The following PRKCE variants were observed in gnomAD, a reference collection of about 807,000 sequenced individuals.
PRKCE encodes the protein protein kinase C epsilon type.
Under a neutral mutation model 85.4 loss-of-function variants are expected in PRKCE, and 16 were observed. The observed-to-expected ratio is 0.19, with a 90% CI of 0.13 to 0.28. PRKCE has a LOEUF of 0.28. PRKCE is among the 10% of genes least tolerant of loss of function. The probability of loss-of-function intolerance (pLI) is 1.00; values close to 1 mark genes in which losing one functional copy is unlikely to be tolerated. For synonymous variants in PRKCE, 388 were observed against 371.5 expected, an observed-to-expected ratio of 1.04 and a Z score of -0.51; for missense variants, 573 against 975.2, an observed-to-expected ratio of 0.59 and a Z score of 5.49.
At chr2:45,777,345 T>TG (rs1050049643) in intron 1 of PRKCE, among the ~76,000 whole-genome samples, 5 of 152,036 alleles carry the variant, frequency 3.3e-5, no homozygotes, top group Non-Finnish European at 7.4e-5. Context: ...CTTGATCTCC[T>TG]GGGGAAATGT....
chr2:45,885,072 C>T (rs1056944129), intron 2 of PRKCE, among the ~76,000 whole-genome samples: 2 of 144,330 alleles, frequency 1.4e-5, no homozygotes, highest in African/African-American at 2.6e-5. Flanking sequence ...ATTTTGATTA[C>T]TAGAAACAAT....
chr2:45,779,437 G>A (rs1055899983), intron 1 of PRKCE, among the ~76,000 whole-genome samples: 2 of 152,090 alleles, frequency 1.3e-5, no homozygotes, highest in Admixed American at 6.5e-5. Flanking sequence ...GCTGATCTTG[G>A]GCTGTGCCAG....
intron 6 of PRKCE, among the ~76,000 whole-genome samples, chr2:45,995,849 G>C (rs1704169971): frequency 6.6e-6 from 1 of 151,986 alleles, no homozygotes; most frequent in Non-Finnish European, 1.5e-5. Context: ...CTTTTGCCTG[G>C]GTCTTTTGCC....
chr2:45,686,906 G>C (rs1284251986), intron 1 of PRKCE, among the ~76,000 whole-genome samples: 2 of 152,118 alleles, frequency 1.3e-5, no homozygotes, highest in East Asian at 1.9e-4. Context: ...GGGACAACTG[G>C]GTGGCCTTCT....
intron 1 of PRKCE, among the ~76,000 whole-genome samples, chr2:45,824,767 C>T (rs957267946): frequency 2.6e-5 from 4 of 152,190 alleles, no homozygotes; most frequent in African/African-American, 9.7e-5. Flanking sequence ...ATCGCCACCC[C>T]TCCCTTTATG....
At chr2:45,806,727 T>C (rs1164900406) in intron 1 of PRKCE, among the ~76,000 whole-genome samples, 1 of 152,158 alleles carries the variant, frequency 6.6e-6, no homozygotes, top group Admixed American at 6.5e-5. Flanking sequence ...CGCTGGATTC[T>C]TTACCCTTAA....
At chr2:45,804,418 G>T (rs753704366) in intron 1 of PRKCE, among the ~76,000 whole-genome samples, 2 of 152,164 alleles carry the variant, frequency 1.3e-5, no homozygotes, top group Non-Finnish European at 2.9e-5. Context: ...CGAGGTGGCC[G>T]CAGGTTATTC....
chr2:45,757,246 G>A (rs960049073), intron 1 of PRKCE, among the ~76,000 whole-genome samples: 6 of 144,030 alleles, frequency 4.2e-5, no homozygotes, highest in Admixed American at 2.8e-4. Context: ...AGGCGGAGTT[G>A]CAGTGTGTTG....
intron 1 of PRKCE, among the ~76,000 whole-genome samples, chr2:45,790,825 T>G (rs554889662): frequency 6.6e-6 from 1 of 152,360 alleles, no homozygotes; most frequent in Non-Finnish European, 1.5e-5. Flanking sequence ...AGGCTGTTGA[T>G]TCTCTAACAA....
intron 2 of PRKCE, among the ~76,000 whole-genome samples, chr2:45,864,607 C>T (rs1693434812): frequency 6.6e-6 from 1 of 152,142 alleles, no homozygotes; most frequent in African/African-American, 2.4e-5. Context: ...TTGGTTTGTG[C>T]TCTTCTGAAG....
intron 1 of PRKCE, among the ~76,000 whole-genome samples, chr2:45,671,103 G>A (rs1572896834): frequency 6.6e-6 from 1 of 152,232 alleles, no homozygotes; most frequent in South Asian, 2.1e-4. Flanking sequence ...GATCAGGAAT[G>A]CAGCATCTTT....
chr2:46,064,855 G>A (rs545206565), intron 10 of PRKCE, among the ~76,000 whole-genome samples: 4 of 152,284 alleles, frequency 2.6e-5, no homozygotes, highest in East Asian at 1.9e-4. Context: ...GGAATGTATC[G>A]TCCTTTCATG....
intron 2 of PRKCE, among the ~76,000 whole-genome samples, chr2:45,952,052 T>C (rs1700658011): frequency 6.6e-6 from 1 of 152,182 alleles, no homozygotes; most frequent in South Asian, 2.1e-4. Flanking sequence ...AGGCTGGTCT[T>C]CAACTCCTGG....
At chr2:46,081,319 C>CT (rs1486130786) in intron 10 of PRKCE, among the ~76,000 whole-genome samples, 1 of 152,176 alleles carries the variant, frequency 6.6e-6, no homozygotes, top group Non-Finnish European at 1.5e-5. Context: ...TTATAGCCCC[C>CT]TAACCTTTTT....
At chr2:46,113,758 A>G (rs1319903913) in intron 11 of PRKCE, among the ~76,000 whole-genome samples, 2 of 152,136 alleles carry the variant, frequency 1.3e-5, no homozygotes, top group Admixed American at 6.5e-5. Flanking sequence ...AGGCAAAAAG[A>G]GATTCCTGAG....
At chr2:46,092,965 C>G (rs144138677) in intron 11 of PRKCE, among the ~76,000 whole-genome samples, 1 of 152,212 alleles carries the variant, frequency 6.6e-6, no homozygotes, top group African/African-American at 2.4e-5. Context: ...ATTTAAAGCT[C>G]TAATACAAAG....
In PRKCE at chr2:46,184,632, C is replaced by T. The variant is rs1680320636; in HGVS notation, c.2068-103C>T. 3 of 1,424,964 alleles carry T rather than the reference C, an allele frequency of 2.1e-6. No individual in the cohort carries two copies. The highest frequency in any genetic ancestry group is 2.7e-5 in the South Asian group (2 of 74,848). 88.3% of individuals were successfully genotyped at this position (1,424,964 alleles called of 1,614,324 possible). On this transcript the variant is annotated intron_variant, in intron 14 of 14. Coordinates refer to ENST00000306156, the MANE Select transcript of PRKCE (RefSeq NM_005400.3). The surrounding 1 kb of genome is among the most constrained non-coding windows in gnomAD (Gnocchi z 5.0). ...TCTGCTGTCTGTTGGTAGCTAGAGG[C>T]CTGCTTTGGTGACAGGCTGGTCAGT...
chr2:45,999,404 T>C (rs1016915962), intron 6 of PRKCE, among the ~76,000 whole-genome samples: 1 of 152,164 alleles, frequency 6.6e-6, no homozygotes, highest in African/African-American at 2.4e-5. Flanking sequence ...AATATTTAAC[T>C]TCTTGATGGC....
chr2:45,770,761 G>C (rs1489549493), intron 1 of PRKCE: 1 of 152,172 alleles, frequency 6.6e-6, no homozygotes, highest in Admixed American at 6.5e-5. Context: ...ATCTGCAGCG[G>C]ATTATTTCTT....
Sources: allele counts gnomAD v4.1 joint callset (sites outside exome capture counted in the v4.1 genomes callset), GRCh38; gene constraint gnomAD v4.1.1; non-coding constraint Gnocchi (gnomAD v3.1); transcripts MANE v1.5; gene names NCBI Gene and HGNC (gene_info 2026-07-23, HGNC 2026-07-21).